Variants in RAD23B observed in about 807,000 individuals in gnomAD.
The protein encoded by RAD23B is RAD23 nucleotide excision repair protein B, also known as lysine-specific demethylase RAD23B.
A neutral mutation model predicts 49.1 loss-of-function variants in RAD23B; 5 were observed. That is an observed-to-expected ratio of 0.10 (90% confidence interval 0.05 to 0.21). The LOEUF (loss-of-function observed/expected upper bound fraction) is 0.21. Ranked by LOEUF, RAD23B falls within the 10% of genes least tolerant of loss-of-function variation. The probability of loss-of-function intolerance (pLI) is 1.00; values close to 1 mark genes in which losing one functional copy is unlikely to be tolerated. For missense variants in RAD23B, 356 were observed against 486.7 expected (o/e 0.73, Z 2.53); for synonymous variants, 184 against 165.4 (o/e 1.11, Z -0.86).
At position 107,302,825 on chromosome 9, in the gene RAD23B, T is replaced by A. The variant is rs1826685620; in HGVS notation, c.228+711T>A. 5.3e-5 allele frequency among the ~76,000 whole-genome samples: 8 copies of A among 152,044 alleles called. No homozygotes were observed. In the South Asian group the frequency reaches 1.7e-3, roughly 32 times the overall value. The stretch of plus-strand genomic sequence containing the variant: ...CGCATGCCACCACGCCCGGCTAATT[T>A]TTTTGTATTTTTAGTAGAGACAGGG... On this transcript the variant is annotated intron_variant, in intron 3 of 9. Transcript: ENST00000358015.
intron 9 of RAD23B, among the ~76,000 whole-genome samples, chr9:107,326,812 A>AT (rs1322579377): frequency 1.3e-5 from 2 of 150,294 alleles, no homozygotes; most frequent in African/African-American, 2.4e-5. Flanking sequence ...TTTGTTTTGT[A>AT]TTTTTTTAGT....
rs199900471 is a variant in RAD23B at position 107,284,150 on chromosome 9, G to GA, written c.66+465dup. 346 of 912,234 alleles carry GA rather than the reference G, an allele frequency of 3.8e-4. 1 individual carries two copies. The highest frequency in any genetic ancestry group is 4.0e-4 in the Non-Finnish European group (304 of 764,200). The allele number at this position is 912,234 out of a possible 1,614,324, so 56.5% of individuals were successfully genotyped here. On this transcript the variant is annotated intron_variant, in intron 1 of 9. Transcript: ENST00000358015. The stretch of plus-strand genomic sequence containing the variant: ...GGTAACCCGAGAAGATGAGCCTTAA[G>GA]AAAAAAAAAAGTATCAGGTTCCGTT...
Position 107,329,721 on chromosome 9 carries a change from C to A in RAD23B, c.*65C>A. ...TACACTAACTTGTTCACTGGATTGT[C>A]TGGGATGACTTGGGCTCATATCCAC... On this transcript the variant is annotated 3_prime_UTR_variant, in exon 10 of 10. Transcript: ENST00000358015. The A allele has an allele frequency of 1.1e-6, 1 of 922,856 alleles. No homozygotes were observed. The highest frequency in any genetic ancestry group is 1.6e-6 in the Non-Finnish European group (1 of 633,666). 57.2% of individuals were successfully genotyped at this position (922,856 alleles called of 1,614,324 possible).
intron 6 of RAD23B, 73 bp from the exon 7 acceptor site, chr9:107,321,910 A>G (rs1482195373): frequency 2.2e-6 from 3 of 1,360,906 alleles, no homozygotes; most frequent in South Asian, 1.7e-5. Flanking sequence ...TAAATAGACT[A>G]TAAATCTTTT....
At chr9:107,296,089 A>G (rs1826515073) in intron 1 of RAD23B, among the ~76,000 whole-genome samples, 1 of 152,186 alleles carries the variant, frequency 6.6e-6, no homozygotes, top group Non-Finnish European at 1.5e-5. Flanking sequence ...AGATGACAAA[A>G]TTCAGCCTGT....
chr9:107,319,918 G>A (rs1243530240), intron 6 of RAD23B, among the ~76,000 whole-genome samples: 1 of 152,192 alleles, frequency 6.6e-6, no homozygotes, highest in African/African-American at 2.4e-5. Flanking sequence ...ATTGTCTGGT[G>A]TTTTGGAGTA....
chr9:107,306,876 G>T (rs565292045), intron 4 of RAD23B, among the ~76,000 whole-genome samples: 3 of 150,916 alleles, frequency 2.0e-5, no homozygotes, highest in African/African-American at 4.9e-5. Flanking sequence ...TGGGCAGGGT[G>T]GGGGGCAGTG....
chr9:107,297,768 C>A (rs972768551), intron 1 of RAD23B, among the ~76,000 whole-genome samples: 1 of 151,042 alleles, frequency 6.6e-6, no homozygotes, highest in Non-Finnish European at 1.5e-5. Flanking sequence ...TTTGGTCCTC[C>A]CTCATTTTTG....
rs1827288424 is a variant in RAD23B, at chr9:107,330,569, G to T, written c.*913G>T. The T allele has an allele frequency of 6.6e-6, 1 of 152,608 alleles. No homozygotes were observed. Among genetic ancestry groups the T allele is most frequent in the Non-Finnish European group, 1.5e-5 (1 of 68,044 alleles). 9.5% of individuals were successfully genotyped at this position (152,608 alleles called of 1,614,324 possible). A position where few individuals can be genotyped will look rare whatever the true frequency, so the allele number is the denominator to read the frequency against. On this transcript the variant is annotated 3_prime_UTR_variant, in exon 10 of 10. Transcript: ENST00000358015. The surrounding 1 kb of genome is among the most constrained non-coding windows in gnomAD (Gnocchi z 4.4). ...TCCCTCAGCAGAAACGTGTTTATCA[G>T]CAAGTCGTGAGTCAAACTGCTGCCT...
chr9:107,305,325 C>T (rs990809831), intron 3 of RAD23B, among the ~76,000 whole-genome samples: 1 of 151,878 alleles, frequency 6.6e-6, no homozygotes, highest in African/African-American at 2.4e-5. Flanking sequence ...AAGAAAATCA[C>T]GAGAGAGAAT....
At chr9:107,283,730 T>C in intron 1 of RAD23B, 35 bp downstream of exon 1, 3 of 1,305,962 alleles carry the variant, frequency 2.3e-6, no homozygotes, top group Non-Finnish European at 3.0e-6. Context: ...GGCAGCCGCG[T>C]GCGGGCCGCG....
chr9:107,302,218 G>T, intron 3 of RAD23B, 104 bp downstream of exon 3: 1 of 1,444,180 alleles, frequency 6.9e-7, no homozygotes, highest in Non-Finnish European at 9.1e-7. Context: ...ATCCATAGTG[G>T]TGTACACTTA....
At chr9:107,316,706 A>G (rs1470220095) in intron 5 of RAD23B, among the ~76,000 whole-genome samples, 1 of 152,156 alleles carries the variant, frequency 6.6e-6, no homozygotes, top group Non-Finnish European at 1.5e-5. Context: ...GCAGAAAAAA[A>G]TTATTCAACA....
chr9:107,324,229 TA>T (rs1384001036), intron 8 of RAD23B, among the ~76,000 whole-genome samples: 1 of 152,230 alleles, frequency 6.6e-6, no homozygotes, highest in Non-Finnish European at 1.5e-5. Flanking sequence ...GACCAAATAG[TA>T]GTAAGTTTGG....
At chr9:107,283,855 A>G (rs1833213717) in intron 1 of RAD23B, among the ~76,000 whole-genome samples, 160 bp downstream of exon 1, 1 of 152,134 alleles carries the variant, frequency 6.6e-6, no homozygotes, top group African/African-American at 2.4e-5. Context: ...AGCGGAGCCG[A>G]TCCTCCTGTC....
intron 1 of RAD23B, among the ~76,000 whole-genome samples, chr9:107,299,895 A>C (rs901684327): frequency 6.6e-6 from 1 of 152,212 alleles, no homozygotes; most frequent in African/African-American, 2.4e-5. Flanking sequence ...TTAAATTATC[A>C]GTTCAACTAG....
Position 107,311,710 on chromosome 9 carries a change from CT to C in RAD23B, c.531del (p.Phe177LeufsTer9). The stretch of plus-strand genomic sequence containing the variant: ...ATCGGGTGATTCTTCTCGGTCAAAC[CT>C]TTTTGAAGATGCAACGAGTGCACTT... ...STSGDSSRSN[L>X]FEDATSALVT... On this transcript the variant is annotated frameshift_variant, in exon 5 of 10. Transcript: ENST00000358015. LOFTEE classifies it high-confidence loss of function. 1.3e-6 allele frequency: 2 copies of C among 1,567,292 alleles called. No homozygotes were observed. Among genetic ancestry groups the C allele is most frequent in the Admixed American group, 4.2e-5 (2 of 47,676 alleles).
rs11573613 is a variant in RAD23B, at chr9:107,283,913, G to T, written c.66+218G>T. 63 of 990,626 alleles carry T rather than the reference G, an allele frequency of 6.4e-5. No individual in the cohort carries two copies. The Middle Eastern group carries it at 1.6e-3, about 25-fold the overall frequency. The allele number at this position is 990,626 out of a possible 1,614,324, so 61.4% of individuals were successfully genotyped here. ...GAGAATGGGGAAGCAGTGGCCGGAC[G>T]CCGAAGGCCTGGTGGCAGATGGCGT... On this transcript the variant is annotated intron_variant, in intron 1 of 9. Coordinates refer to ENST00000358015, the MANE Select transcript of RAD23B (RefSeq NM_002874.5).
chr9:107,284,131 C>A, intron 1 of RAD23B: 1 of 993,060 alleles, frequency 1.0e-6, no homozygotes, highest in Non-Finnish European at 1.2e-6. Context: ...AGTTGGTAAC[C>A]CGAGAAGATG....
Sources: gnomAD v4.1 joint callset for allele counts (sites outside exome capture counted in the v4.1 genomes callset) on GRCh38, gnomAD v4.1.1 for gene constraint, Gnocchi (gnomAD v3.1) non-coding constraint, MANE v1.5 for transcripts, NCBI Gene and HGNC (gene_info 2026-07-23, HGNC 2026-07-21) for gene names.